Variants in ALDH1L1 observed in about 807,000 individuals in gnomAD.
ALDH1L1 encodes aldehyde dehydrogenase 1 family member L1.
In ALDH1L1, 68 loss-of-function variants were observed where a neutral mutation model predicts 101.1. The ratio of observed to expected loss-of-function variants is 0.67; its 90% CI spans 0.55 to 0.82. ALDH1L1 has a LOEUF of 0.82. ALDH1L1 is among the 40% of genes least tolerant of loss of function. ALDH1L1 has a pLI of 0.00. For synonymous variants in ALDH1L1, 486 were observed against 470.8 expected, an observed-to-expected ratio of 1.03 and a Z score of -0.42; for missense variants, 1,087 against 1,172.7, an observed-to-expected ratio of 0.93 and a Z score of 1.07.
At chr3:126,191,155 G>T (rs2081551124) in intron 1 of ALDH1L1, among the ~76,000 whole-genome samples, 1 of 152,220 alleles carries the variant, frequency 6.6e-6, no homozygotes, top group South Asian at 2.1e-4. Flanking sequence ...GTAGCAGAGT[G>T]CAACAGCTTA....
At position 126,157,327 on chromosome 3, in the gene ALDH1L1, G is replaced by C; in HGVS notation, c.528+16C>G. ...GCGTCGGGGCGGGCAGGGCGCGGCCGGCTCCAGGTCCTCACCATCCCTTTG... is the reference window on the plus strand; with the variant it reads ...GCGTCGGGGCGGGCAGGGCGCGGCCCGCTCCAGGTCCTCACCATCCCTTTG... On this transcript the variant is annotated intron_variant, in intron 4 of 22. Transcript: ENST00000393434. The C allele has an allele frequency of 6.2e-7, 1 of 1,601,642 alleles. No homozygotes were observed. The highest frequency in any genetic ancestry group is 8.5e-7 in the Non-Finnish European group (1 of 1,171,176).
At chr3:126,135,684 G>A in intron 11 of ALDH1L1, 22 bp from the exon 12 acceptor site, 1 of 1,505,644 alleles carries the variant, frequency 6.6e-7, no homozygotes, top group Non-Finnish European at 8.9e-7. Flanking sequence ...GCAGAGCCAT[G>A]ACAAGTTCTC....
intron 21 of ALDH1L1, among the ~76,000 whole-genome samples, chr3:126,106,586 G>T (rs1945880258): frequency 6.6e-6 from 1 of 152,086 alleles, no homozygotes. Flanking sequence ...TAAAGAGCTA[G>T]ATTATAAAGA....
intron 11 of ALDH1L1, among the ~76,000 whole-genome samples, chr3:126,136,349 G>T (rs1280131413): frequency 6.6e-6 from 1 of 152,152 alleles, no homozygotes; most frequent in Non-Finnish European, 1.5e-5. Flanking sequence ...ATGCCACAAG[G>T]TCACAGTCAA....
At chr3:126,128,770 G>T (rs1190474091) in intron 14 of ALDH1L1, 1 of 152,366 alleles carries the variant, frequency 6.6e-6, no homozygotes, top group Non-Finnish European at 1.5e-5. Context: ...GCCTCACAGG[G>T]TGACATAGGG....
At chr3:126,174,108 G>C (rs758280942) in intron 1 of ALDH1L1, among the ~76,000 whole-genome samples, 1 of 152,080 alleles carries the variant, frequency 6.6e-6, no homozygotes, top group African/African-American at 2.4e-5. Context: ...GCACGATCTC[G>C]GCTCACTGCA....
intron 3 of ALDH1L1, 110 bp downstream of exon 3, chr3:126,158,295 G>A (rs927732465): frequency 6.8e-5 from 74 of 1,091,646 alleles, no homozygotes; most frequent in Non-Finnish European, 9.5e-5. Context: ...GCACCTGCAC[G>A]ATGCCCACTC....
At position 126,180,505 on chromosome 3, in the gene ALDH1L1, G is replaced by A. The variant is rs1372024070; in HGVS notation, c.-53C>T. ...CGCAGGAGTTGGTGCGGGCGTCCCG[G>A]GCAGGTTAGACTTCTGTGAGCCGCA... On this transcript the variant is annotated 5_prime_UTR_variant, in exon 1 of 23. Coordinates refer to ENST00000393434, the MANE Select transcript of ALDH1L1 (RefSeq NM_012190.4). 5.0e-6 allele frequency: 5 copies of A among 1,001,912 alleles called. No homozygotes were observed. Among genetic ancestry groups the A allele is most frequent in the Non-Finnish European group, 6.0e-6 (5 of 839,942 alleles). 62.1% of individuals were successfully genotyped at this position (1,001,912 alleles called of 1,614,324 possible). A position where few individuals can be genotyped will look rare whatever the true frequency, so the allele number is the denominator to read the frequency against.
intron 9 of ALDH1L1, among the ~76,000 whole-genome samples, chr3:126,138,844 C>T (rs917268290): frequency 7.9e-5 from 12 of 152,244 alleles, no homozygotes; most frequent in Non-Finnish European, 1.6e-4. Context: ...AATGTATCCC[C>T]TTATCTAAAT....
At chr3:126,155,314 G>C in intron 5 of ALDH1L1, 88 bp downstream of exon 5, 2 of 1,188,266 alleles carry the variant, frequency 1.7e-6, no homozygotes, top group Admixed American at 2.2e-5. Context: ...TGCACCATCT[G>C]GGCTGAACCC....
At position 126,161,012 on chromosome 3, in the gene ALDH1L1, G is replaced by C. The variant is rs949844978; in HGVS notation, c.-23-10C>G. The C allele has an allele frequency of 6.2e-7, 1 of 1,613,606 alleles. No homozygotes were observed. Among genetic ancestry groups the C allele is most frequent in the African/African-American group, 1.3e-5 (1 of 74,936 alleles). Reference sequence around the variant, plus strand: ...GGAGGGTTGGAAGGACCTGGAGAAGGAATAAGGCAGCAATTAGACAGAGAT... The same window carrying C: ...GGAGGGTTGGAAGGACCTGGAGAAGCAATAAGGCAGCAATTAGACAGAGAT... On this transcript the variant is annotated splice_polypyrimidine_tract_variant and intron_variant, in intron 1 of 22. Transcript: ENST00000393434.
Position 126,146,829 on chromosome 3 carries a change from C to T in ALDH1L1, c.1076+6G>A, listed in dbSNP as rs934741289. 4 of 1,613,774 alleles carry T rather than the reference C, an allele frequency of 2.5e-6. No homozygotes were observed. In the African/African-American group the frequency reaches 4.0e-5, roughly 16 times the overall value. On this transcript the variant is annotated splice_donor_region_variant and intron_variant, in intron 9 of 22. Transcript: ENST00000393434. ...TGGGACAGGACCCCTCCACTCCTGG[C>T]CTTACCTCACAACGTCCACAGACGC... is the stretch of plus-strand genomic sequence containing the variant.
At chr3:126,190,682 G>T (rs4679103) in intron 1 of ALDH1L1, among the ~76,000 whole-genome samples, 48,071 of 152,038 alleles carry the variant, frequency 0.32, 8,027 homozygotes, top group African/African-American at 0.41. Flanking sequence ...TGATACTCAG[G>T]TGCAGTTTTA....
chr3:126,109,483 G>C (rs1946003084), intron 20 of ALDH1L1, among the ~76,000 whole-genome samples: 1 of 152,140 alleles, frequency 6.6e-6, no homozygotes, highest in Non-Finnish European at 1.5e-5. Flanking sequence ...GCCTGTATCT[G>C]GTAGGGTCTG....
At chr3:126,189,837 GAA>G (rs1171108071) in intron 1 of ALDH1L1, among the ~76,000 whole-genome samples, 1 of 152,156 alleles carries the variant, frequency 6.6e-6, no homozygotes, top group Non-Finnish European at 1.5e-5. Flanking sequence ...CACTGGGAGT[GAA>G]TCTGATTCCC....
At chr3:126,148,982 C>T (rs1167591420) in intron 8 of ALDH1L1, among the ~76,000 whole-genome samples, 1 of 152,176 alleles carries the variant, frequency 6.6e-6, no homozygotes. Flanking sequence ...CTGTACCAAC[C>T]AATTAGAACT....
upstream of ALDH1L1, among the ~76,000 whole-genome samples, chr3:126,183,059 G>C (rs9873704): frequency 0.5 from 76,535 of 152,014 alleles, 19,452 homozygotes; most frequent in African/African-American, 0.58. Context: ...GCAAATGCAG[G>C]CCAGTGCAAG....
intron 16 of ALDH1L1, among the ~76,000 whole-genome samples, chr3:126,123,940 C>A (rs1229023321): frequency 1.3e-5 from 2 of 152,134 alleles, no homozygotes; most frequent in Non-Finnish European, 2.9e-5. Flanking sequence ...GAAATCTGCA[C>A]AAGAAGAGAC....
At chr3:126,184,469 T>C (rs550354633), upstream of ALDH1L1, among the ~76,000 whole-genome samples, 1 of 152,234 alleles carries the variant, frequency 6.6e-6, no homozygotes, top group Non-Finnish European at 1.5e-5. Flanking sequence ...GTTTCATCTG[T>C]GTATCCCACA....
Sources: gnomAD v4.1 joint callset for allele counts (sites outside exome capture counted in the v4.1 genomes callset) on GRCh38, gnomAD v4.1.1 for gene constraint, MANE v1.5 for transcripts, NCBI Gene and HGNC (gene_info 2026-07-23, HGNC 2026-07-21) for gene names.